The following TUSC3 variants were observed in gnomAD, a reference collection of about 807,000 sequenced individuals.
The protein encoded by TUSC3 is dolichyl-diphosphooligosaccharide--protein glycosyltransferase subunit TUSC3.
TUSC3 carries 45 observed loss-of-function variants against 44.8 expected under a neutral mutation model. The observed-to-expected ratio is 1.00, with a 90% CI of 0.79 to 1.29. The LOEUF (loss-of-function observed/expected upper bound fraction) is 1.29, where lower values mean the gene tolerates loss of function less well. Ranked by LOEUF, TUSC3 falls within the 50% of genes most tolerant of loss-of-function variation. TUSC3 has a pLI of 0.00. For missense variants in TUSC3, 519 were observed against 437.9 expected (o/e 1.19, Z -1.65); for synonymous variants, 212 against 152.9 (o/e 1.39, Z -2.85).
chr8:15,423,969 G>GTTTTTGTTTTTGTGTTT lies in TUSC3; in HGVS notation n.91+6669_91+6670insGTTTTTGTGTTTTTTTT, dbSNP rs1563247134. ...TACAGCATTCATACTGTTTTGCTTT[G>GTTTTTGTTTTTGTGTTT]TTTTTTTTTTTTTTTTTTTTTTTTT... is the stretch of plus-strand genomic sequence containing the variant. On this transcript the variant is annotated intron_variant and non_coding_transcript_variant, in intron 1 of 5. Transcript: ENST00000503191. Among the ~76,000 whole-genome samples the GTTTTTGTTTTTGTGTTT allele has an allele frequency of 7.1e-5, 5 of 70,362 alleles. 2 individuals carry two copies. Among genetic ancestry groups the GTTTTTGTTTTTGTGTTT allele is most frequent in the African/African-American group, 8.2e-5 (2 of 24,460 alleles). The allele number at this position is 70,362 out of a possible 152,430, so 46.2% of individuals were successfully genotyped here. A position where few individuals can be genotyped will look rare whatever the true frequency, so the allele number is the denominator to read the frequency against.
the TUSC3 span, among the ~76,000 whole-genome samples, chr8:15,845,706 G>A: frequency 1.3e-5 from 2 of 152,136 alleles, no homozygotes; most frequent in African/African-American, 4.8e-5. Flanking sequence ...TTGCTCTAGG[G>A]GTTTGGAAAA....
At chr8:15,622,585 C>A (rs188400443) in intron 1 of TUSC3, among the ~76,000 whole-genome samples, 61 of 152,286 alleles carry the variant, frequency 4.0e-4, no homozygotes, top group Non-Finnish European at 7.1e-4. Flanking sequence ...CACAGTACAT[C>A]AGTTTTTCCT....
At chr8:15,777,883 C>T in the TUSC3 span, among the ~76,000 whole-genome samples, 1 of 152,022 alleles carries the variant, frequency 6.6e-6, no homozygotes, top group South Asian at 2.1e-4. Flanking sequence ...TGAAGTGTGT[C>T]AGTCCCTTGG....
At chr8:15,437,558 C>T (rs138259531) in intron 1 of TUSC3, among the ~76,000 whole-genome samples, 1 of 152,264 alleles carries the variant, frequency 6.6e-6, no homozygotes, top group African/African-American at 2.4e-5. Flanking sequence ...ACTTCAAAAG[C>T]ATTAAGAAAC....
the TUSC3 span, among the ~76,000 whole-genome samples, chr8:15,824,385 T>C: frequency 0.6 from 91,793 of 151,936 alleles, 29,158 homozygotes; most frequent in Non-Finnish European, 0.73. Flanking sequence ...ATGGGCTTAA[T>C]ATATACAAAC....
chr8:15,558,803 T>G (rs1802355789), intron 1 of TUSC3, among the ~76,000 whole-genome samples: 1 of 145,962 alleles, frequency 6.9e-6, no homozygotes. Flanking sequence ...TAGAGGTGTT[T>G]GTAGTATTCT....
chr8:15,470,117 G>C lies in TUSC3; in HGVS notation n.92-13269G>C, dbSNP rs189085453. Among the ~76,000 whole-genome samples, 1,293 of 146,380 alleles carry C rather than the reference G, an allele frequency of 8.8e-3. 11 individuals carry two copies. The highest frequency in any genetic ancestry group is 0.014 in the Non-Finnish European group (932 of 65,734). Reference sequence around the variant, plus strand: ...CAAAAAAAATTAACAAAAAAAAAAAGCTAAAAATTAGCCTAGGCATGGTAG... The same window carrying C: ...CAAAAAAAATTAACAAAAAAAAAAACCTAAAAATTAGCCTAGGCATGGTAG... On this transcript the variant is annotated intron_variant and non_coding_transcript_variant, in intron 1 of 5. Coordinates refer to the TUSC3 transcript ENST00000503191.
At chr8:15,546,996 A>C (rs1178630877) in intron 1 of TUSC3, among the ~76,000 whole-genome samples, 6 of 151,760 alleles carry the variant, frequency 4.0e-5, no homozygotes, top group African/African-American at 1.2e-4. Context: ...CTAAGATAGA[A>C]TAGCATCTTG....
intron 1 of TUSC3, among the ~76,000 whole-genome samples, chr8:15,424,366 T>C (rs1163669694): frequency 6.6e-6 from 1 of 152,094 alleles, no homozygotes; most frequent in African/African-American, 2.4e-5. Context: ...TCCCAGTATT[T>C]ATCCATCTCA....
At chr8:15,584,211 C>G (rs928962623) in intron 1 of TUSC3, among the ~76,000 whole-genome samples, 4 of 152,178 alleles carry the variant, frequency 2.6e-5, no homozygotes, top group African/African-American at 9.6e-5. Context: ...ATTAGAGAAC[C>G]AATGTGTTGG....
intron 1 of TUSC3, among the ~76,000 whole-genome samples, chr8:15,609,955 TCAC>T (rs1160928750): frequency 6.6e-6 from 1 of 152,148 alleles, no homozygotes; most frequent in African/African-American, 2.4e-5. Flanking sequence ...TTCTTACTAG[TCAC>T]CACATTTCAT....
chr8:15,536,264 C>T (rs1039972079), upstream of TUSC3, among the ~76,000 whole-genome samples: 3 of 152,046 alleles, frequency 2.0e-5, no homozygotes, highest in Admixed American at 1.3e-4. Context: ...GAAAGGTTGC[C>T]AGGTAGAAGG....
At chr8:15,693,559 C>G (rs994431758) in intron 6 of TUSC3, among the ~76,000 whole-genome samples, 1 of 150,132 alleles carries the variant, frequency 6.7e-6, no homozygotes, top group African/African-American at 2.5e-5. Context: ...GTGATCTGGC[C>G]CTTTTCTCTA....
intron 1 of TUSC3, among the ~76,000 whole-genome samples, chr8:15,573,174 C>CTT (rs1802946897): frequency 1.3e-5 from 1 of 75,396 alleles, no homozygotes; most frequent in African/African-American, 5.1e-5. Flanking sequence ...CTCTTTCTCT[C>CTT]TCTCTCTCTC....
Position 15,581,685 on chromosome 8 carries a change from C to G in TUSC3, c.138+41117C>G, listed in dbSNP as rs538911860. On this transcript the variant is annotated intron_variant, in intron 1 of 10. Transcript: ENST00000503731. ...AGGCAGTCTGCCCGTTCTCAGATCT[C>G]CAGCTGCGTGCTGGGAGAACCACTG... 2.1e-4 allele frequency among the ~76,000 whole-genome samples: 31 copies of G among 147,534 alleles called. 2 individuals are homozygous for G. Among genetic ancestry groups the G allele is most frequent in the Admixed American group, 1.0e-3 (15 of 14,760 alleles).
At chr8:15,481,055 C>T (rs112871789) in intron 1 of TUSC3, among the ~76,000 whole-genome samples, 1 of 152,016 alleles carries the variant, frequency 6.6e-6, no homozygotes, top group Non-Finnish European at 1.5e-5. Flanking sequence ...CGAGACCAGC[C>T]TGACCAACGT....
At chr8:15,434,660 T>C (rs1459019190) in intron 1 of TUSC3, among the ~76,000 whole-genome samples, 3 of 151,788 alleles carry the variant, frequency 2.0e-5, no homozygotes, top group African/African-American at 7.3e-5. Context: ...TAGGTATATC[T>C]CCTAATGCTA....
At chr8:15,835,744 G>A in the TUSC3 span, among the ~76,000 whole-genome samples, 22 of 152,288 alleles carry the variant, frequency 1.4e-4, 2 homozygotes, top group Admixed American at 7.2e-4. Flanking sequence ...GGGGATGTAT[G>A]TGTGCGTTGT....
At chr8:15,494,286 C>T (rs1272578390) in intron 2 of TUSC3, among the ~76,000 whole-genome samples, 1 of 151,480 alleles carries the variant, frequency 6.6e-6, no homozygotes, top group Non-Finnish European at 1.5e-5. Flanking sequence ...ATGTCTCAGG[C>T]CCCTGAATCT....
Sources: gnomAD v4.1 joint callset for allele counts (sites outside exome capture counted in the v4.1 genomes callset) on GRCh38, gnomAD v4.1.1 for gene constraint, MANE v1.5 for transcripts, NCBI Gene and HGNC (gene_info 2026-07-23, HGNC 2026-07-21) for gene names.